The following SLC29A4 variants were observed in gnomAD, a reference collection of about 807,000 sequenced individuals.
SLC29A4 encodes equilibrative nucleoside transporter 4.
Under a neutral mutation model 43.9 loss-of-function variants are expected in SLC29A4, and 36 were observed. That is an observed-to-expected ratio of 0.82 (90% confidence interval 0.63 to 1.08). SLC29A4 has a LOEUF of 1.08. Among genes scored for constraint, SLC29A4 ranks in the 50% least tolerant of loss-of-function variants. The pLI is 0.00. For synonymous variants in SLC29A4, 491 were observed against 338.0 expected (o/e 1.45, Z -4.97); for missense variants, 869 against 755.3 (o/e 1.15, Z -1.77).
chr7:5,283,428 C>T (rs1423736314), intron 1 of SLC29A4, among the ~76,000 whole-genome samples: 1 of 151,936 alleles, frequency 6.6e-6, no homozygotes, highest in African/African-American at 2.4e-5. Flanking sequence ...GCCCCTTCCT[C>T]GTTCTCGGAA....
chr7:5,297,560 C>G (rs555637799), intron 7 of SLC29A4, among the ~76,000 whole-genome samples: 11 of 152,330 alleles, frequency 7.2e-5, no homozygotes, highest in Admixed American at 4.6e-4. Flanking sequence ...TTCTGAGGGT[C>G]TCAGCCCTCC....
chr7:5,287,636 C>G (rs745832424), intron 1 of SLC29A4, among the ~76,000 whole-genome samples, 173 bp from the exon 2 acceptor site: 2 of 152,218 alleles, frequency 1.3e-5, no homozygotes, highest in Non-Finnish European at 2.9e-5. Context: ...CACATCCAGT[C>G]CTGTTCAGGC....
At position 5,297,081 on chromosome 7, in the gene SLC29A4, C is replaced by G. The variant is rs1368614266; in HGVS notation, c.765C>G (p.Ser255Arg). The change falls in exon 7 of 11, where the codon AGC (serine) becomes AGG (arginine). Residue 255 changes from serine to arginine, a missense_variant. Coordinates refer to ENST00000396872, the MANE Select transcript of SLC29A4 (RefSeq NM_153247.4). ...CFLLHLLVRRSRFVLFYTTRP... is the reference protein window; with the variant it reads ...CFLLHLLVRRRRFVLFYTTRP... The stretch of plus-strand genomic sequence containing the variant: ...TGCTGCACCTGTTAGTGCGGCGCAG[C>G]CGCTTCGTGCTCTTCTATACCACAC... The G allele has an allele frequency of 6.2e-7, 1 of 1,607,856 alleles. No individual in the cohort carries two copies. Among genetic ancestry groups the G allele is most frequent in the Non-Finnish European group, 8.5e-7 (1 of 1,179,736 alleles).
In SLC29A4 at chr7:5,299,226, C is replaced by T. The variant is rs1467717242; in HGVS notation, c.1022-14C>T. ...CGTGGGCGCTGCCTCTGACCCCCGC[C>T]CGCCACCCTCCAGCCCTGTTACTGC... On this transcript the variant is annotated splice_polypyrimidine_tract_variant and intron_variant, in intron 8 of 10. Transcript: ENST00000396872. The T allele has an allele frequency of 1.2e-6, 2 of 1,606,334 alleles. No homozygotes were observed. Among genetic ancestry groups the T allele is most frequent in the Non-Finnish European group, 1.7e-6 (2 of 1,175,704 alleles).
At position 5,296,927 on chromosome 7, in the gene SLC29A4, G is replaced by T; in HGVS notation, c.620-9G>T. Reference sequence around the variant, plus strand: ...GATCAGGCCCCGGCCCACTGTGCACGCCCCCCAGGCACGGCGGGCGTGATG... The same window carrying T: ...GATCAGGCCCCGGCCCACTGTGCACTCCCCCCAGGCACGGCGGGCGTGATG... On this transcript the variant is annotated splice_polypyrimidine_tract_variant and intron_variant, in intron 6 of 10. Coordinates refer to ENST00000396872, the MANE Select transcript of SLC29A4 (RefSeq NM_153247.4). The T allele has an allele frequency of 6.3e-7, 1 of 1,584,706 alleles. No homozygotes were observed. Among genetic ancestry groups the T allele is most frequent in the Non-Finnish European group, 8.5e-7 (1 of 1,173,284 alleles).
intron 10 of SLC29A4, 101 bp from the exon 11 acceptor site, chr7:5,302,696 G>C (rs1051835902): frequency 8.2e-7 from 1 of 1,219,402 alleles, no homozygotes; most frequent in Admixed American, 2.6e-5. Flanking sequence ...CTGGAGGGGC[G>C]GCACGGTTCA....
Position 5,294,858 on chromosome 7 carries a change from A to G in SLC29A4, c.545-2A>G. On this transcript the variant is annotated splice_acceptor_variant, in intron 5 of 10. Coordinates refer to ENST00000396872, the MANE Select transcript of SLC29A4 (RefSeq NM_153247.4). LOFTEE classifies it high-confidence loss of function. ...GGGTTGTTCCTCTCTCTCTCTCTTA[A>G]GTGCAGCAATCCAGCTTCTACGGGT... 1.9e-6 allele frequency: 3 copies of G among 1,593,326 alleles called. No individual in the cohort carries two copies. Among genetic ancestry groups the G allele is most frequent in the Non-Finnish European group, 2.6e-6 (3 of 1,171,144 alleles).
At chr7:5,287,483 C>T (rs1785030713) in intron 1 of SLC29A4, among the ~76,000 whole-genome samples, 1 of 152,048 alleles carries the variant, frequency 6.6e-6, no homozygotes, top group South Asian at 2.1e-4. Flanking sequence ...AATTAATGTC[C>T]TCTGGATGGA....
At position 5,299,326 on chromosome 7, in the gene SLC29A4, C is replaced by T. The variant is rs763628208; in HGVS notation, c.1108C>T (p.Leu370=). The change falls in exon 9 of 11, where the codon CTG becomes TTG. Residue 370 remains leucine, a synonymous_variant. Coordinates refer to ENST00000396872, the MANE Select transcript of SLC29A4 (RefSeq NM_153247.4). ...CGTGACCTACTTCATCACGCTGTGC[C>T]TGTTCCCCGGCCTCGAGTCTGAGAT... is the stretch of plus-strand genomic sequence containing the variant. The part of the protein sequence containing the change: ...IAVTYFITLC[L]FPGLESEIRH... 8.1e-6 allele frequency: 13 copies of T among 1,612,086 alleles called. No individual in the cohort carries two copies. The South Asian group carries it at 1.3e-4, about 16-fold the overall frequency.
intron 2 of SLC29A4, among the ~76,000 whole-genome samples, chr7:5,288,665 C>T (rs1163763238): frequency 6.6e-6 from 1 of 152,128 alleles, no homozygotes; most frequent in Admixed American, 6.6e-5. Context: ...GCAAGCTATG[C>T]CTCACTGCAA....
intron 1 of SLC29A4, among the ~76,000 whole-genome samples, chr7:5,283,582 C>T (rs1269359445): frequency 6.6e-6 from 1 of 152,138 alleles, no homozygotes; most frequent in East Asian, 1.9e-4. Context: ...CGCGGCGACC[C>T]GGGCCGGGGA....
chr7:5,284,824 C>T (rs1275194881), intron 1 of SLC29A4, among the ~76,000 whole-genome samples: 11 of 152,208 alleles, frequency 7.2e-5, no homozygotes, highest in Non-Finnish European at 2.9e-5. Context: ...GCAGCCGCCT[C>T]CTGGCTGGAT....
intron 5 of SLC29A4, among the ~76,000 whole-genome samples, chr7:5,293,954 A>C (rs112292816): frequency 0.046 from 7,020 of 152,084 alleles, 540 homozygotes; most frequent in African/African-American, 0.16. Context: ...AAAATACAAA[A>C]AATTAGCCGG....
At chr7:5,287,451 G>A (rs1347824810) in intron 1 of SLC29A4, among the ~76,000 whole-genome samples, 1 of 151,838 alleles carries the variant, frequency 6.6e-6, no homozygotes, top group African/African-American at 2.4e-5. Context: ...AGACATACCA[G>A]GTGACATTGC....
intron 1 of SLC29A4, among the ~76,000 whole-genome samples, chr7:5,286,524 A>G (rs1784959709): frequency 7.2e-6 from 1 of 138,728 alleles, no homozygotes; most frequent in Non-Finnish European, 1.5e-5. Context: ...CTCCATCTCA[A>G]AAAAAAAAAA....
In SLC29A4 at chr7:5,296,927, G is replaced by C; in HGVS notation, c.620-9G>C. On this transcript the variant is annotated splice_polypyrimidine_tract_variant and intron_variant, in intron 6 of 10. Transcript: ENST00000396872. ...GATCAGGCCCCGGCCCACTGTGCAC[G>C]CCCCCCAGGCACGGCGGGCGTGATG... 1 of 1,584,704 alleles carries C rather than the reference G, an allele frequency of 6.3e-7. No homozygotes were observed.
rs1213896863 is a variant in SLC29A4, at chr7:5,306,855, A to G, written c.*3916A>G. ...AAAAGATCACACAGAATTTGCCAAC[A>G]AACAAAATTCCAAAAGAAACATAAA... is the stretch of plus-strand genomic sequence containing the variant. On this transcript the variant is annotated 3_prime_UTR_variant, in exon 11 of 11. Transcript: ENST00000396872. 2 of 147,266 alleles carry G rather than the reference A, an allele frequency of 1.4e-5. No individual in the cohort carries two copies. The highest frequency in any genetic ancestry group is 3.0e-5 in the Non-Finnish European group (2 of 67,454). The allele number at this position is 147,266 out of a possible 1,614,324, so 9.1% of individuals were successfully genotyped here.
At position 5,305,402 on chromosome 7, in the gene SLC29A4, G is replaced by A. The variant is rs1157970998; in HGVS notation, c.*2463G>A. 1 of 152,318 alleles carries A rather than the reference G, an allele frequency of 6.6e-6. No individual in the cohort carries two copies. Among genetic ancestry groups the A allele is most frequent in the Admixed American group, 6.5e-5 (1 of 15,274 alleles). 9.4% of individuals were successfully genotyped at this position (152,318 alleles called of 1,614,324 possible). On this transcript the variant is annotated 3_prime_UTR_variant, in exon 11 of 11. Transcript: ENST00000396872. Reference sequence around the variant, plus strand: ...ACCCACACTAACCAGGTCAGTCACTGGGCAGCCAGACCCCCACCTATAGCT... The same window carrying A: ...ACCCACACTAACCAGGTCAGTCACTAGGCAGCCAGACCCCCACCTATAGCT...
Position 5,288,298 on chromosome 7 carries a change from C to CTTTTTTTTTTT in SLC29A4, c.169+328_169+338dup, listed in dbSNP as rs34436127. 7.3e-5 allele frequency among the ~76,000 whole-genome samples: 5 copies of CTTTTTTTTTTT among 68,756 alleles called. 1 individual carries two copies. The highest frequency in any genetic ancestry group is 1.2e-4 in the African/African-American group (2 of 16,896). The allele number at this position is 68,756 out of a possible 152,430, so 45.1% of individuals were successfully genotyped here. A position where few individuals can be genotyped will look rare whatever the true frequency, so the allele number is the denominator to read the frequency against. ...GCTCATGCGCTGACCCGTACAGCTTCTTTTTTTTTTTTTTTTTTTTTTTTT... is the reference window on the plus strand; with the variant it reads ...GCTCATGCGCTGACCCGTACAGCTTCTTTTTTTTTTTTTTTTTTTTTTTTTTTTTTTTTTTT... On this transcript the variant is annotated intron_variant, in intron 2 of 10. Transcript: ENST00000396872.
Sources: gnomAD v4.1 joint callset for allele counts (sites outside exome capture counted in the v4.1 genomes callset) on GRCh38, gnomAD v4.1.1 for gene constraint, MANE v1.5 for transcripts, NCBI Gene and HGNC (gene_info 2026-07-23, HGNC 2026-07-21) for gene names.